Variants in ARHGEF1 observed in about 807,000 individuals in gnomAD.
The protein encoded by ARHGEF1 is 115 kDa guanine nucleotide exchange factor.
A neutral mutation model predicts 119.7 loss-of-function variants in ARHGEF1; 40 were observed. That is an observed-to-expected ratio of 0.33 (90% confidence interval 0.26 to 0.44). The LOEUF is 0.44. Ranked by LOEUF, ARHGEF1 falls within the 20% of genes least tolerant of loss-of-function variation. The pLI is 1.00. For missense variants in ARHGEF1, 976 were observed against 1,268.3 expected (o/e 0.77, Z 3.50); for synonymous variants, 494 against 521.0 (o/e 0.95, Z 0.71).
chr19:41,906,333 G>T lies in ARHGEF1; in HGVS notation c.2492-124G>T. 2.0e-6 allele frequency: 2 copies of T among 1,005,128 alleles called. No individual in the cohort carries two copies. The highest frequency in any genetic ancestry group is 2.9e-6 in the Non-Finnish European group (2 of 692,366). The allele number at this position is 1,005,128 out of a possible 1,614,324, so 62.3% of individuals were successfully genotyped here. ...CCCTTTGGATCCCCGAACCCCATCT[G>T]CTCAGCCTTGCCTGGCACCCACCTT... On this transcript the variant is annotated intron_variant, in intron 26 of 28. Coordinates refer to ENST00000354532, the MANE Select transcript of ARHGEF1 (RefSeq NM_004706.4). This position sits in a 1 kb window ranked among gnomAD's most constrained non-coding sequence, Gnocchi z 4.5.
rs1555844721 is a variant in ARHGEF1 at position 41,883,346 on chromosome 19, G to T, written c.-20+57G>T. 1 of 159,690 alleles carries T rather than the reference G, an allele frequency of 6.3e-6. No homozygotes were observed. Among genetic ancestry groups the T allele is most frequent in the Non-Finnish European group, 1.4e-5 (1 of 71,122 alleles). The allele number at this position is 159,690 out of a possible 1,614,324, so 9.9% of individuals were successfully genotyped here. A position where few individuals can be genotyped will look rare whatever the true frequency, so the allele number is the denominator to read the frequency against. ...CCCCTCGGCTGTTGGGGGAAGTGGG[G>T]AGGAGGAGGGAGGGGCTGGGGCGCT... On this transcript the variant is annotated intron_variant, in intron 1 of 28. Transcript: ENST00000354532. This position sits in a 1 kb window ranked among gnomAD's most constrained non-coding sequence, Gnocchi z 7.6.
chr19:41,888,637 C>A lies in ARHGEF1; in HGVS notation c.112-115C>A. On this transcript the variant is annotated intron_variant, in intron 3 of 28. Transcript: ENST00000354532. This position sits in a 1 kb window ranked among gnomAD's most constrained non-coding sequence, Gnocchi z 5.1. ...TTTTGGACACTGTCACCACTCCCCA[C>A]TTCCCAGGAGCTAACCCTGGCTTGG... 2.1e-6 allele frequency: 2 copies of A among 974,962 alleles called. No homozygotes were observed. The highest frequency in any genetic ancestry group is 3.1e-6 in the Non-Finnish European group (2 of 639,406). 60.4% of individuals were successfully genotyped at this position (974,962 alleles called of 1,614,324 possible).
chr19:41,922,718 C>T (rs549931996), upstream of ARHGEF1, among the ~76,000 whole-genome samples: 4 of 151,196 alleles, frequency 2.6e-5, no homozygotes, highest in Admixed American at 2.0e-4. Flanking sequence ...CCACAAGGGC[C>T]GGGGTCCAGC....
At position 41,906,229 on chromosome 19, in the gene ARHGEF1, G is replaced by A. The variant is rs2074692990; in HGVS notation, c.2491+204G>A. On this transcript the variant is annotated intron_variant, in intron 26 of 28. Coordinates refer to ENST00000354532, the MANE Select transcript of ARHGEF1 (RefSeq NM_004706.4). The surrounding 1 kb of genome is among the most constrained non-coding windows in gnomAD (Gnocchi z 4.5). ...CATCCCTTGCTTGATTCTATATTTA[G>A]CCTCTTCCTGAACACATCTCTGTCT... 1.5e-6 allele frequency: 1 copy of A among 662,356 alleles called. No homozygotes were observed. Among genetic ancestry groups the A allele is most frequent in the Admixed American group, 2.8e-5 (1 of 35,984 alleles). 41.0% of individuals were successfully genotyped at this position (662,356 alleles called of 1,614,324 possible). A position where few individuals can be genotyped will look rare whatever the true frequency, so the allele number is the denominator to read the frequency against.
chr19:41,907,858 G>T (rs1366740954), downstream of ARHGEF1: 19 of 212,926 alleles, frequency 8.9e-5, 1 homozygote, highest in Middle Eastern at 4.4e-3. Flanking sequence ...CTATATGGGG[G>T]GGGTGTCAGG....
At chr19:41,926,690 G>C (rs118019496) in intron 1 of ARHGEF1, among the ~76,000 whole-genome samples, 9,470 of 152,048 alleles carry the variant, frequency 0.062, 413 homozygotes, top group Middle Eastern at 0.097. Context: ...TGCGGAGCGC[G>C]TCTGGGCCGC....
chr19:41,909,143 C>T (rs563984406), downstream of ARHGEF1: 263 of 1,231,914 alleles, frequency 2.1e-4, no homozygotes, highest in Non-Finnish European at 2.6e-4. This position sits in a 1 kb window ranked among gnomAD's most constrained non-coding sequence, Gnocchi z 5.2. Context: ...CCCTGGCTCT[C>T]CCAGGCGTGG....
At chr19:41,928,866 G>A (rs2074888964) in exon 2 of ARHGEF1, 1 of 455,030 alleles carries the variant, frequency 2.2e-6, no homozygotes, top group African/African-American at 2.0e-5. Flanking sequence ...GCGAGGTGGA[G>A]GTGGCGACGA....
chr19:41,903,359 A>G lies in ARHGEF1; in HGVS notation c.1791A>G (p.Glu597=). The change falls in exon 19 of 29, where the codon GAA becomes GAG. Residue 597 remains glutamate (E), a synonymous_variant. Coordinates refer to ENST00000354532, the MANE Select transcript of ARHGEF1 (RefSeq NM_004706.4). This position sits in a 1 kb window ranked among gnomAD's most constrained non-coding sequence, Gnocchi z 4.2. ...AGCTGGCAGCCGAGTGCTGCCGGGAAATTCTACACCACGTCAACCAAGCCG... is the reference window on the plus strand; with the variant it reads ...AGCTGGCAGCCGAGTGCTGCCGGGAGATTCTACACCACGTCAACCAAGCCG... The part of the protein sequence containing the change: ...KVELAAECCR[E]ILHHVNQAVR... The G allele has an allele frequency of 6.2e-7, 1 of 1,613,960 alleles. No individual in the cohort carries two copies. Among genetic ancestry groups the G allele is most frequent in the Non-Finnish European group, 8.5e-7 (1 of 1,180,028 alleles).
chr19:41,892,002 G>A lies in ARHGEF1; in HGVS notation c.226-23G>A, dbSNP rs368342576. ...TTGAGGCAGGGTGAGGGAGCGGAGA[G>A]TCATGCTGTGTGTCTCCCCCAGCTT... On this transcript the variant is annotated intron_variant, in intron 4 of 28. Coordinates refer to ENST00000354532, the MANE Select transcript of ARHGEF1 (RefSeq NM_004706.4). The surrounding 1 kb of genome is among the most constrained non-coding windows in gnomAD (Gnocchi z 6.3). The A allele has an allele frequency of 4.4e-5, 69 of 1,584,400 alleles. No individual in the cohort carries two copies. The highest frequency in any genetic ancestry group is 5.9e-5 in the Non-Finnish European group (69 of 1,160,700).
rs1555852020 is a variant in ARHGEF1 at position 41,917,041 on chromosome 19, G to A, written c.1866-6051G>A. Among the ~76,000 whole-genome samples, 1 of 151,992 alleles carries A rather than the reference G, an allele frequency of 6.6e-6. No individual in the cohort carries two copies. Among genetic ancestry groups the A allele is most frequent in the African/African-American group, 2.4e-5 (1 of 41,326 alleles). On this transcript the variant is annotated intron_variant, in intron 18 of 20. Coordinates refer to the ARHGEF1 transcript ENST00000599589. This position sits in a 1 kb window ranked among gnomAD's most constrained non-coding sequence, Gnocchi z 4.8. Reference sequence around the variant, plus strand: ...GTGTGTGTGTGCACATATGTGACACGTGCCCTTGTCTCAGACCTGCTTCTG... The same window carrying A: ...GTGTGTGTGTGCACATATGTGACACATGCCCTTGTCTCAGACCTGCTTCTG...
intron 14 of ARHGEF1, among the ~76,000 whole-genome samples, chr19:41,898,974 A>G (rs1186909969): frequency 6.6e-6 from 1 of 152,150 alleles, no homozygotes; most frequent in Non-Finnish European, 1.5e-5. Flanking sequence ...ACAGAGGAAG[A>G]GCATTTTATT....
chr19:41,928,800 T>C, intron 1 of ARHGEF1: 1 of 415,276 alleles, frequency 2.4e-6, no homozygotes, highest in Non-Finnish European at 5.0e-6. Context: ...CCTCTCCCCT[T>C]CCCTTCTCCT....
chr19:41,903,137 G>A lies in ARHGEF1; in HGVS notation c.1739-170G>A, dbSNP rs2074632553. Among the ~76,000 whole-genome samples the A allele has an allele frequency of 6.6e-6, 1 of 151,768 alleles. No homozygotes were observed. Among genetic ancestry groups the A allele is most frequent in the South Asian group, 2.1e-4 (1 of 4,814 alleles). ...GGGTCTCGCCATGTTGCCCAGGCTG[G>A]CTTTGAACTCCTGGTCTCAAGCTAT... On this transcript the variant is annotated intron_variant, in intron 18 of 28. Transcript: ENST00000354532. This position sits in a 1 kb window ranked among gnomAD's most constrained non-coding sequence, Gnocchi z 4.2.
chr19:41,884,239 C>T (rs1410032606), intron 1 of ARHGEF1: 4 of 615,988 alleles, frequency 6.5e-6, no homozygotes, highest in Non-Finnish European at 8.5e-6. Flanking sequence ...CCCTCCAAGA[C>T]AGGCCAGAGC....
intron 4 of ARHGEF1, among the ~76,000 whole-genome samples, chr19:41,891,506 A>G (rs536289790): frequency 6.6e-6 from 1 of 152,244 alleles, no homozygotes; most frequent in African/African-American, 2.4e-5. Context: ...CCGGTCACAA[A>G]TTCCTGACCT....
At chr19:41,901,804 C>T (rs2074608826) in intron 14 of ARHGEF1, 83 bp from the exon 15 acceptor site, 2 of 1,513,546 alleles carry the variant, frequency 1.3e-6, no homozygotes, top group Non-Finnish European at 1.8e-6. Flanking sequence ...CCTGCTCTGC[C>T]TCATTCCTCT....
At chr19:41,894,065 G>C (rs1361679391) in intron 8 of ARHGEF1, 142 bp from the exon 9 acceptor site, 1 of 495,040 alleles carries the variant, frequency 2.0e-6, no homozygotes, top group Non-Finnish European at 3.4e-6. Context: ...CTCACAGGAA[G>C]TAGTTGTGGG....
intron 1 of ARHGEF1, among the ~76,000 whole-genome samples, chr19:41,924,842 A>G (rs2074862355): frequency 6.6e-6 from 1 of 152,112 alleles, no homozygotes; most frequent in Non-Finnish European, 1.5e-5. Flanking sequence ...GTTTCTGGAG[A>G]GAAGCAGGTT....
Sources: allele counts gnomAD v4.1 joint callset (sites outside exome capture counted in the v4.1 genomes callset), GRCh38; gene constraint gnomAD v4.1.1; non-coding constraint Gnocchi (gnomAD v3.1); transcripts MANE v1.5; gene names NCBI Gene and HGNC (gene_info 2026-07-23, HGNC 2026-07-21).